The following PDE3A variants were observed in gnomAD, a reference collection of about 807,000 sequenced individuals.
PDE3A encodes the protein cGMP-inhibited 3',5'-cyclic phosphodiesterase 3A.
PDE3A carries 43 observed loss-of-function variants against 98.3 expected under a neutral mutation model. The observed-to-expected ratio is 0.44, with a 90% CI of 0.34 to 0.56. PDE3A has a LOEUF of 0.56. Among genes scored for constraint, PDE3A ranks in the 20% least tolerant of loss-of-function variants. The pLI is 0.01. For missense variants in PDE3A, 1,427 were observed against 1,440.7 expected, an observed-to-expected ratio of 0.99 and a Z score of 0.15; for synonymous variants, 663 against 567.9, an observed-to-expected ratio of 1.17 and a Z score of -2.38.
chr12:20,506,767 G>A (rs1041329825), intron 1 of PDE3A, among the ~76,000 whole-genome samples: 1 of 152,020 alleles, frequency 6.6e-6, no homozygotes, highest in South Asian at 2.1e-4. Flanking sequence ...GTAAGAGAGA[G>A]AATTCTATTT....
At chr12:20,586,364 C>T (rs1252396905) in intron 2 of PDE3A, among the ~76,000 whole-genome samples, 1 of 152,196 alleles carries the variant, frequency 6.6e-6, no homozygotes, top group Non-Finnish European at 1.5e-5. Flanking sequence ...CGCCAAACCT[C>T]TCACGTGCCC....
chr12:20,505,902 A>G (rs573777528), intron 1 of PDE3A, among the ~76,000 whole-genome samples: 1 of 152,056 alleles, frequency 6.6e-6, no homozygotes, highest in African/African-American at 2.4e-5. Flanking sequence ...CTCTGGTTGT[A>G]TAAGGTGATA....
In PDE3A at chr12:20,444,657, T is replaced by TGA. The variant is rs202093907; in HGVS notation, c.960+74414_960+74415insAG. On this transcript the variant is annotated intron_variant, in intron 1 of 15. Coordinates refer to ENST00000359062, the MANE Select transcript of PDE3A (RefSeq NM_000921.5). Reference sequence around the variant, plus strand: ...GCTTTTGAAATTAAAGAAATAAAAGTGTTAATTCTCTCTGATCTGAACAAG... The same window carrying TGA: ...GCTTTTGAAATTAAAGAAATAAAAGTGAGTTAATTCTCTCTGATCTGAACAAG... 9.1e-3 allele frequency among the ~76,000 whole-genome samples: 1,392 copies of TGA among 152,226 alleles called. 25 individuals carry two copies. The highest frequency in any genetic ancestry group is 0.031 in the African/African-American group (1,298 of 41,536).
intron 2 of PDE3A, chr12:20,572,014 A>C: frequency 3.6e-6 from 4 of 1,101,800 alleles, no homozygotes; most frequent in Non-Finnish European, 4.5e-6. Context: ...CCTTGCTTTT[A>C]ATTGGAGGAT....
intron 2 of PDE3A, among the ~76,000 whole-genome samples, chr12:20,603,031 A>G (rs1943628614): frequency 6.6e-6 from 1 of 152,198 alleles, no homozygotes; most frequent in East Asian, 1.9e-4. Context: ...AGTATCACGG[A>G]CAGCCTCCCA....
intron 1 of PDE3A, among the ~76,000 whole-genome samples, chr12:20,414,431 A>G (rs1025897436): frequency 6.6e-6 from 1 of 152,224 alleles, no homozygotes; most frequent in Non-Finnish European, 1.5e-5. Context: ...CAGACTGTAT[A>G]AATTTCTCTA....
intron 2 of PDE3A, among the ~76,000 whole-genome samples, chr12:20,579,461 G>C (rs1432973724): frequency 6.6e-6 from 1 of 151,816 alleles, no homozygotes; most frequent in Non-Finnish European, 1.5e-5. Context: ...CTTATACCTT[G>C]TCAAATACAG....
intron 1 of PDE3A, among the ~76,000 whole-genome samples, chr12:20,441,367 G>A (rs564457479): frequency 8.6e-4 from 131 of 152,186 alleles, no homozygotes; most frequent in Middle Eastern, 6.8e-3. Context: ...AGACGTAGTC[G>A]AAGGCAACAT....
chr12:20,670,079 CA>C (rs1844085411), intron 15 of PDE3A, among the ~76,000 whole-genome samples: 1 of 149,222 alleles, frequency 6.7e-6, no homozygotes, highest in African/African-American at 2.5e-5. Context: ...TTTAAACCAA[CA>C]AAGATCAAAA....
intron 1 of PDE3A, among the ~76,000 whole-genome samples, chr12:20,392,803 A>T: frequency 6.6e-6 from 1 of 152,176 alleles, no homozygotes; most frequent in Middle Eastern, 3.4e-3. Flanking sequence ...AGCCTTAAAA[A>T]GAATGTAATA....
intron 2 of PDE3A, among the ~76,000 whole-genome samples, chr12:20,575,429 TTAAA>T (rs145276932): frequency 5.2e-4 from 79 of 152,106 alleles, no homozygotes; most frequent in African/African-American, 1.9e-3. Context: ...AAAGCTCTGA[TTAAA>T]TAAACAATTA....
At chr12:20,486,926 G>A (rs763853965) in intron 1 of PDE3A, among the ~76,000 whole-genome samples, 4 of 152,192 alleles carry the variant, frequency 2.6e-5, no homozygotes, top group Non-Finnish European at 5.9e-5. Context: ...GAGTCACCAC[G>A]CTTGGCTTAA....
In PDE3A at chr12:20,618,981, G is replaced by A. The variant is rs544518186; in HGVS notation, c.1425-2315G>A. Reference sequence around the variant, plus strand: ...GGCACATAGATAATTTTCCTCTGCTGTGCCAGCATGAGAAAACCGTGTAAA... The same window carrying A: ...GGCACATAGATAATTTTCCTCTGCTATGCCAGCATGAGAAAACCGTGTAAA... On this transcript the variant is annotated intron_variant, in intron 4 of 15. Transcript: ENST00000359062. Among the ~76,000 whole-genome samples, 117 of 152,102 alleles carry A rather than the reference G, an allele frequency of 7.7e-4. 1 individual carries two copies. The highest frequency in any genetic ancestry group is 2.8e-3 in the African/African-American group (115 of 41,542).
At chr12:20,502,605 G>A (rs142812418) in intron 1 of PDE3A, among the ~76,000 whole-genome samples, 19 of 152,250 alleles carry the variant, frequency 1.2e-4, no homozygotes, top group Admixed American at 3.9e-4. Context: ...TAGAATGCAT[G>A]TGTATTTGTC....
chr12:20,560,948 G>A (rs1942501304), intron 2 of PDE3A, among the ~76,000 whole-genome samples: 1 of 146,570 alleles, frequency 6.8e-6, no homozygotes, highest in Non-Finnish European at 1.5e-5. Context: ...CCACCAAAAA[G>A]TACAGATGGG....
intron 13 of PDE3A, 43 bp downstream of exon 13, chr12:20,648,934 T>C (rs760192534): frequency 5.4e-6 from 7 of 1,293,992 alleles, no homozygotes; most frequent in Admixed American, 4.4e-5. Flanking sequence ...TTTCTTTTTT[T>C]TTTTTTTTTG....
chr12:20,641,072 C>G (rs543883375), intron 10 of PDE3A, among the ~76,000 whole-genome samples: 74 of 152,120 alleles, frequency 4.9e-4, no homozygotes, highest in African/African-American at 1.5e-3. Context: ...GGTATCACAT[C>G]AACTTAGGGA....
chr12:20,487,983 C>A (rs1229375453), intron 1 of PDE3A, among the ~76,000 whole-genome samples: 2 of 152,072 alleles, frequency 1.3e-5, no homozygotes, highest in African/African-American at 4.8e-5. Flanking sequence ...TCACATAGAG[C>A]AAATATAATT....
chr12:20,381,011 T>G (rs1464544985), intron 1 of PDE3A, among the ~76,000 whole-genome samples: 6 of 151,832 alleles, frequency 4.0e-5, no homozygotes, highest in Non-Finnish European at 8.8e-5. Context: ...TCCCTATAAT[T>G]GGAGTTGTTT....
Sources: allele counts gnomAD v4.1 joint callset (sites outside exome capture counted in the v4.1 genomes callset), GRCh38; gene constraint gnomAD v4.1.1; transcripts MANE v1.5; gene names NCBI Gene and HGNC (gene_info 2026-07-23, HGNC 2026-07-21).